The following SGCZ variants were observed in gnomAD, a reference collection of about 807,000 sequenced individuals.
SGCZ encodes zeta-sarcoglycan.
Under a neutral mutation model 41.3 loss-of-function variants are expected in SGCZ, and 40 were observed. The ratio of observed to expected loss-of-function variants is 0.97; its 90% confidence interval spans 0.75 to 1.26. The LOEUF (loss-of-function observed/expected upper bound fraction) is 1.26. Ranked by LOEUF, SGCZ falls within the 50% of genes most tolerant of loss-of-function variation. SGCZ has a pLI of 0.00. For synonymous variants in SGCZ, 206 were observed against 137.5 expected (o/e 1.50, Z -3.49); for missense variants, 552 against 369.8 (o/e 1.49, Z -4.04).
chr8:14,423,081 G>C (rs1481358797), intron 2 of SGCZ, among the ~76,000 whole-genome samples: 1 of 151,960 alleles, frequency 6.6e-6, no homozygotes, highest in Non-Finnish European at 1.5e-5. Flanking sequence ...TTGAACCCAT[G>C]AGTGTTCATA....
intron 1 of SGCZ, among the ~76,000 whole-genome samples, chr8:14,636,466 T>C (rs1295551106): frequency 6.6e-6 from 1 of 151,842 alleles, no homozygotes; most frequent in Non-Finnish European, 1.5e-5. Context: ...TGAAGAGAAA[T>C]GAGCAAATTT....
At chr8:14,646,796 A>G (rs890656135) in intron 1 of SGCZ, among the ~76,000 whole-genome samples, 1 of 149,490 alleles carries the variant, frequency 6.7e-6, no homozygotes, top group Non-Finnish European at 1.5e-5. Context: ...TATTCATTCA[A>G]AACACTTTTT....
intron 5 of SGCZ, among the ~76,000 whole-genome samples, chr8:14,155,089 GT>G (rs1311577683): frequency 6.6e-6 from 1 of 152,188 alleles, no homozygotes; most frequent in East Asian, 1.9e-4. Flanking sequence ...AAAACCATCT[GT>G]TCCAGTAACG....
intron 1 of SGCZ, among the ~76,000 whole-genome samples, chr8:15,172,772 G>C (rs1799883643): frequency 6.6e-6 from 1 of 152,058 alleles, no homozygotes; most frequent in South Asian, 2.1e-4. Flanking sequence ...TACTGCTTCA[G>C]ACATTTGGCA....
chr8:14,570,783 CT>C (rs934826340), intron 1 of SGCZ, among the ~76,000 whole-genome samples: 10 of 152,134 alleles, frequency 6.6e-5, no homozygotes, highest in South Asian at 4.1e-4. Context: ...CTTTCAACCC[CT>C]ATCTGCCTCT....
intron 5 of SGCZ, among the ~76,000 whole-genome samples, chr8:14,146,905 T>G (rs904978158): frequency 1.4e-5 from 2 of 146,364 alleles, no homozygotes; most frequent in African/African-American, 5.1e-5. Context: ...ATAATAATAA[T>G]AACTACAGCA....
At chr8:15,194,720 G>A (rs1237153464) in intron 1 of SGCZ, among the ~76,000 whole-genome samples, 1 of 152,116 alleles carries the variant, frequency 6.6e-6, no homozygotes, top group Non-Finnish European at 1.5e-5. Flanking sequence ...CATAAGCCAG[G>A]GAGCCAAGGC....
intron 1 of SGCZ, among the ~76,000 whole-genome samples, chr8:14,702,279 C>T (rs1489571364): frequency 5.9e-5 from 9 of 151,880 alleles, no homozygotes. Flanking sequence ...CCTGCTTCTT[C>T]TCTCTGTGTT....
At chr8:15,042,809 G>A (rs1014558621) in intron 1 of SGCZ, among the ~76,000 whole-genome samples, 2 of 152,076 alleles carry the variant, frequency 1.3e-5, no homozygotes, top group Non-Finnish European at 2.9e-5. Context: ...CATCAAACAA[G>A]AAGAGTTTTC....
At chr8:14,629,400 A>C (rs1280295705) in intron 1 of SGCZ, among the ~76,000 whole-genome samples, 1 of 152,192 alleles carries the variant, frequency 6.6e-6, no homozygotes, top group East Asian at 1.9e-4. Context: ...AATGAATACA[A>C]TTACTGAAAT....
chr8:14,338,572 T>C (rs757918920), intron 2 of SGCZ, among the ~76,000 whole-genome samples: 8 of 152,180 alleles, frequency 5.3e-5, no homozygotes, highest in South Asian at 2.1e-4. Flanking sequence ...CCTGATGGAA[T>C]GTTATTCTCT....
intron 1 of SGCZ, among the ~76,000 whole-genome samples, chr8:14,710,273 G>A (rs532064760): frequency 6.6e-6 from 1 of 151,458 alleles, no homozygotes; most frequent in African/African-American, 2.4e-5. Context: ...CGGAGGCTGA[G>A]GCAGGGGAAT....
chr8:14,163,636 C>T (rs774008886), intron 5 of SGCZ, among the ~76,000 whole-genome samples: 10 of 152,234 alleles, frequency 6.6e-5, no homozygotes, highest in Non-Finnish European at 1.2e-4. Context: ...TTCAATCATT[C>T]AGATGAGGGA....
chr8:14,547,298 G>A (rs557854778), intron 2 of SGCZ, among the ~76,000 whole-genome samples: 1 of 152,100 alleles, frequency 6.6e-6, no homozygotes, highest in Non-Finnish European at 1.5e-5. Flanking sequence ...TGACAAATAA[G>A]CTCCCTCATT....
intron 5 of SGCZ, among the ~76,000 whole-genome samples, chr8:14,115,484 T>A (rs1802495402): frequency 6.6e-6 from 1 of 151,990 alleles, no homozygotes. Context: ...CTGAGAAGAT[T>A]AAGATTCCTA....
intron 1 of SGCZ, among the ~76,000 whole-genome samples, chr8:15,152,338 A>C (rs1799201223): frequency 6.6e-6 from 1 of 152,236 alleles, no homozygotes; most frequent in Non-Finnish European, 1.5e-5. Context: ...CAAGCTGAGA[A>C]GAATCTTAGG....
chr8:15,070,151 G>A (rs868205540), intron 1 of SGCZ, among the ~76,000 whole-genome samples: 3 of 152,044 alleles, frequency 2.0e-5, no homozygotes, highest in Non-Finnish European at 4.4e-5. Flanking sequence ...AAATTCTGAT[G>A]ATTATATTAG....
chr8:14,106,347 T>A (rs938873721), intron 6 of SGCZ, among the ~76,000 whole-genome samples: 1 of 152,238 alleles, frequency 6.6e-6, no homozygotes, highest in African/African-American at 2.4e-5. Context: ...TCCTATGAGA[T>A]GCTGTTTACA....
At chr8:15,206,182 A>G (rs1342729805) in intron 1 of SGCZ, among the ~76,000 whole-genome samples, 1 of 152,196 alleles carries the variant, frequency 6.6e-6, no homozygotes, top group Non-Finnish European at 1.5e-5. Flanking sequence ...AACCTAAAAT[A>G]AAAGTTTAAA....
Sources: gnomAD v4.1 joint callset for allele counts (sites outside exome capture counted in the v4.1 genomes callset) on GRCh38, gnomAD v4.1.1 for gene constraint, MANE v1.5 for transcripts, NCBI Gene and HGNC (gene_info 2026-07-23, HGNC 2026-07-21) for gene names.